The following PTPN13 variants were observed in gnomAD, a reference collection of about 807,000 sequenced individuals.
PTPN13 encodes tyrosine-protein phosphatase non-receptor type 13.
PTPN13 carries 191 observed loss-of-function variants against 284.0 expected under a neutral mutation model. The observed-to-expected ratio is 0.67, with a 90% CI of 0.60 to 0.76. The LOEUF (loss-of-function observed/expected upper bound fraction) is 0.76. Among genes scored for constraint, PTPN13 ranks in the 30% least tolerant of loss-of-function variants. The probability of loss-of-function intolerance (pLI) is 0.00; values close to 1 mark genes in which losing one functional copy is unlikely to be tolerated. For missense variants in PTPN13, 2,797 were observed against 2,939.9 expected (o/e 0.95, Z 1.12); for synonymous variants, 986 against 1,022.3 (o/e 0.96, Z 0.68).
At chr4:86,623,839 T>C (rs1436061128) in intron 1 of PTPN13, among the ~76,000 whole-genome samples, 2 of 152,176 alleles carry the variant, frequency 1.3e-5, no homozygotes, top group Non-Finnish European at 2.9e-5. Flanking sequence ...ACTTTCTGAC[T>C]TTCCTGCTAT....
intron 8 of PTPN13, 128 bp from the exon 9 acceptor site, chr4:86,716,896 A>G (rs1733089370): frequency 1.5e-6 from 1 of 663,460 alleles, no homozygotes; most frequent in Non-Finnish European, 2.5e-6. Context: ...TAATAACATT[A>G]TGTCATTAAT....
chr4:86,760,954 GT>G (rs747726686), intron 23 of PTPN13, among the ~76,000 whole-genome samples: 35 of 151,472 alleles, frequency 2.3e-4, no homozygotes, highest in Non-Finnish European at 4.9e-4. Context: ...TTTTAGTTTT[GT>G]TTTTGTTTGC....
chr4:86,771,280 A>C lies in PTPN13; in HGVS notation c.4913A>C (p.Lys1638Thr). Residue 1638 changes from lysine to threonine, a missense_variant, in exon 31 of 48, where the codon AAA (lysine) becomes ACA (threonine). Lys to Thr is a moderately conservative substitution (Grantham distance 78, BLOSUM62 -1). Coordinates refer to ENST00000411767, the MANE Select transcript of PTPN13 (RefSeq NM_080683.3). ...TCAGATGAAAATGAAATGTCAGACAAAAGCAAAAAACAGTGCAAGTCCCCA... is the reference window on the plus strand; with the variant it reads ...TCAGATGAAAATGAAATGTCAGACACAAGCAAAAAACAGTGCAAGTCCCCA... ...TSSDENEMSD[K>T]SKKQCKSPSR... The C allele has an allele frequency of 6.2e-7, 1 of 1,606,604 alleles. No individual in the cohort carries two copies. Among genetic ancestry groups the C allele is most frequent in the Non-Finnish European group, 8.5e-7 (1 of 1,176,410 alleles).
At chr4:86,695,700 C>G (rs965684382) in intron 6 of PTPN13, among the ~76,000 whole-genome samples, 2 of 151,680 alleles carry the variant, frequency 1.3e-5, no homozygotes, top group African/African-American at 4.8e-5. Context: ...TCCCTCCCTC[C>G]TTTCTTATTT....
intron 27 of PTPN13, among the ~76,000 whole-genome samples, chr4:86,766,969 G>A (rs917401638): frequency 1.3e-5 from 2 of 152,176 alleles, no homozygotes; most frequent in Non-Finnish European, 2.9e-5. Context: ...GCCCAGGCTG[G>A]AGTGCAGTGG....
intron 3 of PTPN13, among the ~76,000 whole-genome samples, chr4:86,682,289 A>G (rs1728980804): frequency 6.6e-6 from 1 of 152,166 alleles, no homozygotes; most frequent in African/African-American, 2.4e-5. Context: ...GGCCTGCTAT[A>G]CTACTATACT....
intron 42 of PTPN13, 43 bp downstream of exon 42, chr4:86,799,247 T>C (rs1416914651): frequency 2.4e-6 from 3 of 1,242,222 alleles, no homozygotes; most frequent in Non-Finnish European, 2.2e-6. Context: ...AATAATGAAT[T>C]GGAAAAATGT....
chr4:86,682,787 G>T (rs17011986), intron 3 of PTPN13, among the ~76,000 whole-genome samples: 40,201 of 151,894 alleles, frequency 0.26, 5,444 homozygotes, highest in Admixed American at 0.31. Flanking sequence ...CAGTACAAAC[G>T]CTTTTAATTT....
At chr4:86,601,179 G>A (rs1185337632) in intron 1 of PTPN13, among the ~76,000 whole-genome samples, 2 of 151,988 alleles carry the variant, frequency 1.3e-5, no homozygotes, top group African/African-American at 4.8e-5. Context: ...GCTGGGACAG[G>A]TGGTTTAAAA....
At chr4:86,796,963 TTCTG>T (rs768272110) in intron 41 of PTPN13, 34 bp downstream of exon 41, 64 of 1,252,512 alleles carry the variant, frequency 5.1e-5, no homozygotes, top group East Asian at 3.0e-4. Context: ...TCCATAATGC[TTCTG>T]TCTATCTATA....
At chr4:86,613,633 C>CAAAAAAAAAAAAAA (rs544971012) in intron 1 of PTPN13, among the ~76,000 whole-genome samples, 13 of 61,536 alleles carry the variant, frequency 2.1e-4, no homozygotes, top group African/African-American at 5.8e-4. Context: ...GACTCCGTCT[C>CAAAAAAAAAAAAAA]AAAAAAAAAA....
At chr4:86,803,920 T>A (rs771250563) in intron 43 of PTPN13, 63 bp downstream of exon 43, 19 of 1,540,408 alleles carry the variant, frequency 1.2e-5, no homozygotes, top group Non-Finnish European at 1.5e-5. Flanking sequence ...AAGGAAAATG[T>A]ATCTTTACTG....
intron 1 of PTPN13, among the ~76,000 whole-genome samples, chr4:86,596,335 AG>A (rs1320898404): frequency 6.6e-6 from 1 of 152,226 alleles, no homozygotes; most frequent in African/African-American, 2.4e-5. Flanking sequence ...TTGCATGTAA[AG>A]CCTAGTTATA....
At chr4:86,613,445 C>A (rs1382850963) in intron 1 of PTPN13, among the ~76,000 whole-genome samples, 2 of 152,038 alleles carry the variant, frequency 1.3e-5, no homozygotes, top group Non-Finnish European at 2.9e-5. Flanking sequence ...ATCATCCTGG[C>A]TAACACAGTG....
intron 31 of PTPN13, 32 bp downstream of exon 31, chr4:86,771,567 CA>C (rs1297082613): frequency 1.3e-6 from 2 of 1,518,042 alleles, no homozygotes; most frequent in South Asian, 2.6e-5. Context: ...CCGCTCAAAG[CA>C]ACTGGTTGTT....
chr4:86,797,627 C>T (rs570757697), intron 41 of PTPN13, among the ~76,000 whole-genome samples: 11 of 152,082 alleles, frequency 7.2e-5, no homozygotes, highest in African/African-American at 2.6e-4. Context: ...TGAATGAAAG[C>T]GTGACCCTAA....
chr4:86,683,735 A>G (rs1401795074), intron 3 of PTPN13, among the ~76,000 whole-genome samples: 1 of 152,216 alleles, frequency 6.6e-6, no homozygotes, highest in African/African-American at 2.4e-5. Context: ...ATGTTTTATT[A>G]TAGTCATGTA....
intron 47 of PTPN13, among the ~76,000 whole-genome samples, chr4:86,812,309 CAAAAAAAAA>C (rs555017151): frequency 0.21 from 12,356 of 59,072 alleles, 645 homozygotes; most frequent in Non-Finnish European, 0.23. Context: ...GACTCCGTCT[CAAAAAAAAA>C]AAAAAAAAAA....
chr4:86,645,241 G>C (rs1418256489), intron 2 of PTPN13, among the ~76,000 whole-genome samples: 2 of 151,558 alleles, frequency 1.3e-5, no homozygotes, highest in Admixed American at 1.3e-4. Context: ...GAATAGAAAG[G>C]AACTACCTCA....
Sources: allele counts gnomAD v4.1 joint callset (sites outside exome capture counted in the v4.1 genomes callset), GRCh38; gene constraint gnomAD v4.1.1; transcripts MANE v1.5; gene names NCBI Gene and HGNC (gene_info 2026-07-23, HGNC 2026-07-21).